MAD1L1: variants seen among roughly 807,000 people sequenced by gnomAD.
MAD1L1 encodes the protein mitotic spindle assembly checkpoint protein MAD1.
In MAD1L1, 95 loss-of-function variants were observed where a neutral mutation model predicts 96.9. The ratio of observed to expected loss-of-function variants is 0.98; its 90% CI spans 0.83 to 1.16. MAD1L1 has a LOEUF of 1.16. MAD1L1 is among the 50% of genes most tolerant of loss of function. The pLI is 0.00. For missense variants in MAD1L1, 1,007 were observed against 954.4 expected (o/e 1.06, Z -0.73); for synonymous variants, 473 against 396.6 (o/e 1.19, Z -2.29).
intron 11 of MAD1L1, among the ~76,000 whole-genome samples, chr7:2,124,773 A>G (rs953200643): frequency 3.3e-5 from 5 of 151,888 alleles, no homozygotes; most frequent in African/African-American, 7.2e-5. Context: ...CGCTTGTGGG[A>G]GAAACTCTGA....
chr7:2,147,557 C>T (rs1789370873), intron 11 of MAD1L1, among the ~76,000 whole-genome samples: 1 of 152,234 alleles, frequency 6.6e-6, no homozygotes, highest in African/African-American at 2.4e-5. Context: ...CCTCGTCTCA[C>T]CCCCAAGACC....
intron 18 of MAD1L1, among the ~76,000 whole-genome samples, chr7:1,888,536 CTGTGCG>C (rs201578480): frequency 0.064 from 6,339 of 99,386 alleles, 234 homozygotes; most frequent in African/African-American, 0.15. Flanking sequence ...GTGTGGTTGC[CTGTGCG>C]TGTGTGTGAG....
intron 12 of MAD1L1, among the ~76,000 whole-genome samples, chr7:2,019,749 G>A (rs1012129216): frequency 2.0e-5 from 3 of 149,590 alleles, no homozygotes; most frequent in South Asian, 2.2e-4. Context: ...GCCTCGCCAC[G>A]CCACAGTGCT....
intron 15 of MAD1L1, among the ~76,000 whole-genome samples, chr7:1,979,598 G>A (rs978964013): frequency 3.3e-5 from 5 of 152,232 alleles, no homozygotes; most frequent in Non-Finnish European, 5.9e-5. Flanking sequence ...CAAGGCGGGG[G>A]AGAGGCAGAG....
intron 14 of MAD1L1, among the ~76,000 whole-genome samples, chr7:1,983,736 C>T (rs1342925767): frequency 6.6e-6 from 1 of 152,208 alleles, no homozygotes; most frequent in Non-Finnish European, 1.5e-5. Context: ...CTCAGCACGC[C>T]TGAAAGCTCT....
chr7:2,148,709 G>A (rs1035878334), intron 11 of MAD1L1: 15 of 166,830 alleles, frequency 9.0e-5, no homozygotes, highest in Non-Finnish European at 1.0e-4. Context: ...CCTGAGTGAG[G>A]GGCATGTCTC....
intron 11 of MAD1L1, among the ~76,000 whole-genome samples, chr7:2,111,627 C>A (rs189289119): frequency 4.8e-4 from 73 of 152,346 alleles, no homozygotes; most frequent in Admixed American, 4.8e-3. Context: ...GCCAACACGG[C>A]TGGGGGCTGC....
intron 10 of MAD1L1, among the ~76,000 whole-genome samples, 170 bp downstream of exon 10, chr7:2,213,042 C>T (rs1793062690): frequency 6.6e-6 from 1 of 152,226 alleles, no homozygotes; most frequent in Admixed American, 6.5e-5. Flanking sequence ...TCCACTGCCC[C>T]ATCCGCTGGG....
intron 18 of MAD1L1, among the ~76,000 whole-genome samples, chr7:1,862,890 C>A (rs1344233751): frequency 1.3e-5 from 2 of 152,252 alleles, no homozygotes; most frequent in African/African-American, 4.8e-5. Flanking sequence ...CAGCTACTTG[C>A]CGGCCGTAGA....
At chr7:2,014,684 G>T (rs544017305) in intron 12 of MAD1L1, 42 bp from the exon 13 acceptor site, 1 of 1,527,290 alleles carries the variant, frequency 6.5e-7, no homozygotes, top group South Asian at 1.2e-5. Flanking sequence ...CGGGACGGGG[G>T]ATGAGGTAAT....
intron 11 of MAD1L1, among the ~76,000 whole-genome samples, chr7:2,133,357 C>T (rs543896737): frequency 5.9e-5 from 9 of 152,374 alleles, no homozygotes; most frequent in South Asian, 2.1e-4. Context: ...TTTGGTGAGG[C>T]GCCTGTTCAG....
At chr7:2,085,979 T>C (rs1785898784) in intron 11 of MAD1L1, among the ~76,000 whole-genome samples, 1 of 152,138 alleles carries the variant, frequency 6.6e-6, no homozygotes, top group Non-Finnish European at 1.5e-5. Context: ...CCATCAGGCA[T>C]GTATGAAGGC....
At chr7:2,047,493 G>T (rs1783977048) in intron 12 of MAD1L1, among the ~76,000 whole-genome samples, 1 of 152,198 alleles carries the variant, frequency 6.6e-6, no homozygotes, top group Admixed American at 6.5e-5. Context: ...ATACCTCCCA[G>T]TCTGAGCACA....
rs995661919 is a variant in MAD1L1, at chr7:1,908,288, T to C, written c.1808-9898A>G. ...AGACAGGGAACAATGTCTGGAACCC[T>C]GCATGGCTGAAGACATCTCTACCTC... On this transcript the variant is annotated intron_variant, in intron 17 of 18. Coordinates refer to ENST00000265854, the MANE Select transcript of MAD1L1 (RefSeq NM_001013836.2). Among the ~76,000 whole-genome samples, 15 of 152,226 alleles carry C rather than the reference T, an allele frequency of 9.9e-5. 1 individual carries two copies. Among genetic ancestry groups the C allele is most frequent in the Admixed American group, 8.5e-4 (13 of 15,292 alleles).
chr7:1,864,851 C>T (rs1296847947), intron 18 of MAD1L1, among the ~76,000 whole-genome samples: 1 of 152,240 alleles, frequency 6.6e-6, no homozygotes, highest in African/African-American at 2.4e-5. Context: ...CTCCCCTCGA[C>T]TTCTGCCAGG....
chr7:2,225,090 T>C (rs1256077330), intron 4 of MAD1L1, among the ~76,000 whole-genome samples: 2 of 152,144 alleles, frequency 1.3e-5, no homozygotes, highest in Non-Finnish European at 2.9e-5. Context: ...CATGCCACCC[T>C]CCTCTAGGAC....
chr7:1,960,545 A>C (rs1487337601), intron 15 of MAD1L1, among the ~76,000 whole-genome samples: 2 of 152,266 alleles, frequency 1.3e-5, no homozygotes, highest in African/African-American at 4.8e-5. Flanking sequence ...CAGAGCACAT[A>C]TTATTACCAA....
At chr7:1,960,527 G>C (rs1341222007) in intron 15 of MAD1L1, among the ~76,000 whole-genome samples, 1 of 152,162 alleles carries the variant, frequency 6.6e-6, no homozygotes, top group African/African-American at 2.4e-5. Flanking sequence ...ACCAGAAATA[G>C]TAAATTTCAG....
chr7:1,921,245 TA>T (rs1240557512), intron 17 of MAD1L1, among the ~76,000 whole-genome samples: 1 of 152,170 alleles, frequency 6.6e-6, no homozygotes, highest in African/African-American at 2.4e-5. Flanking sequence ...TCCACTAGAT[TA>T]ACCTATAACT....
Sources: allele counts gnomAD v4.1 joint callset (sites outside exome capture counted in the v4.1 genomes callset), GRCh38; gene constraint gnomAD v4.1.1; transcripts MANE v1.5; gene names NCBI Gene and HGNC (gene_info 2026-07-23, HGNC 2026-07-21).